The following FLACC1 variants were observed in gnomAD, a reference collection of about 807,000 sequenced individuals.
The protein encoded by FLACC1 is flagellum associated containing coiled-coil domains 1.
Under a neutral mutation model 62.8 loss-of-function variants are expected in FLACC1, and 66 were observed. The ratio of observed to expected loss-of-function variants is 1.05; its 90% CI spans 0.86 to 1.29. The LOEUF is 1.29. Among genes scored for constraint, FLACC1 ranks in the 50% most tolerant of loss-of-function variants. The probability of loss-of-function intolerance (pLI) is 0.00; values close to 1 mark genes in which losing one functional copy is unlikely to be tolerated. For missense variants in FLACC1, 452 were observed against 489.1 expected, an observed-to-expected ratio of 0.92 and a Z score of 0.71; for synonymous variants, 156 against 161.0, an observed-to-expected ratio of 0.97 and a Z score of 0.24.
intron 13 of FLACC1, 32 bp downstream of exon 13, chr2:201,289,664 C>T (rs1166950768): frequency 6.2e-7 from 1 of 1,611,820 alleles, no homozygotes; most frequent in Admixed American, 1.7e-5. Context: ...GTTCTTCCCC[C>T]AACCCCCATC....
Position 201,292,144 on chromosome 2 carries a change from G to A in FLACC1, c.943-2359C>T, listed in dbSNP as rs572270887. On this transcript the variant is annotated intron_variant, in intron 12 of 14. Coordinates refer to ENST00000392257, the MANE Select transcript of FLACC1 (RefSeq NM_001127391.3). ...AGAACTTCCCCAACCGAGCAAGGCA[G>A]GCCAACAATCAGATTCAGGAAATAC... is the stretch of plus-strand genomic sequence containing the variant. 3.9e-5 allele frequency among the ~76,000 whole-genome samples: 6 copies of A among 152,292 alleles called. No individual in the cohort carries two copies. In the East Asian group the frequency reaches 1.2e-3, roughly 29 times the overall value.
At chr2:201,344,321 G>T in intron 5 of FLACC1, 58 bp from the exon 6 acceptor site, 1 of 1,431,600 alleles carries the variant, frequency 7.0e-7, no homozygotes, top group South Asian at 1.2e-5. Context: ...TGCCATTCAG[G>T]CCCCTGAGCA....
chr2:201,305,712 A>T (rs1353963698), intron 11 of FLACC1, among the ~76,000 whole-genome samples: 4 of 152,242 alleles, frequency 2.6e-5, no homozygotes, highest in Non-Finnish European at 5.9e-5. Context: ...AGACTGGATT[A>T]AGAAAATGTG....
chr2:201,313,235 A>C lies in FLACC1; in HGVS notation c.676-3985T>G, dbSNP rs557731320. On this transcript the variant is annotated intron_variant, in intron 9 of 14. Coordinates refer to ENST00000392257, the MANE Select transcript of FLACC1 (RefSeq NM_001127391.3). ...GGCCAGAACTTGGGGGAAGGCATGAATCTGGTGTGCAGACTCCACAGGCAG... is the reference window on the plus strand; with the variant it reads ...GGCCAGAACTTGGGGGAAGGCATGACTCTGGTGTGCAGACTCCACAGGCAG... 1.3e-3 allele frequency among the ~76,000 whole-genome samples: 196 copies of C among 152,296 alleles called. 1 individual carries two copies. Among genetic ancestry groups the C allele is most frequent in the African/African-American group, 4.3e-3 (179 of 41,570 alleles).
In FLACC1 at chr2:201,305,526, C is replaced by T. The variant is rs186247078; in HGVS notation, c.879+1993G>A. Among the ~76,000 whole-genome samples, 359 of 152,234 alleles carry T rather than the reference C, an allele frequency of 2.4e-3. 2 individuals are homozygous for T. Among genetic ancestry groups the T allele is most frequent in the Middle Eastern group, 6.8e-3 (2 of 294 alleles). ...TCAACCATTGTGGAAGACAGTGTGG[C>T]GATTCCTCAAGGGTCTAGAACTAGA... On this transcript the variant is annotated intron_variant, in intron 11 of 14. Transcript: ENST00000392257.
intron 1 of FLACC1, among the ~76,000 whole-genome samples, chr2:201,353,184 C>G (rs1951060642): frequency 6.6e-6 from 1 of 152,140 alleles, no homozygotes; most frequent in South Asian, 2.1e-4. Flanking sequence ...TGTGCAATTA[C>G]TCCAGGTTAA....
chr2:201,288,959 T>C (rs1341672597), intron 14 of FLACC1, among the ~76,000 whole-genome samples, 178 bp from the exon 15 acceptor site: 2 of 152,200 alleles, frequency 1.3e-5, no homozygotes, highest in African/African-American at 4.8e-5. Context: ...TAAAGTCCTA[T>C]ACGAGGAATT....
intron 12 of FLACC1, among the ~76,000 whole-genome samples, chr2:201,297,340 C>T (rs148863909): frequency 1.1e-4 from 17 of 152,036 alleles, no homozygotes; most frequent in South Asian, 8.4e-4. Flanking sequence ...AAAGGAGAAA[C>T]GGGAGATAAA....
At chr2:201,342,517 T>C (rs1950831196) in intron 6 of FLACC1, 86 bp from the exon 7 acceptor site, 2 of 1,375,986 alleles carry the variant, frequency 1.5e-6, no homozygotes, top group Admixed American at 1.7e-5. Flanking sequence ...TTCCAATTTA[T>C]GGGGCACAGC....
chr2:201,330,139 C>T (rs918615913), intron 9 of FLACC1, among the ~76,000 whole-genome samples: 1 of 152,170 alleles, frequency 6.6e-6, no homozygotes, highest in South Asian at 2.1e-4. Flanking sequence ...ATGATCTCAA[C>T]TGCAGTTCTA....
intron 12 of FLACC1, among the ~76,000 whole-genome samples, chr2:201,296,726 G>C (rs977589178): frequency 8.5e-5 from 13 of 152,172 alleles, no homozygotes; most frequent in Admixed American, 6.5e-5. Flanking sequence ...GGCTGGAATA[G>C]AGATAGTAAG....
chr2:201,298,186 G>T, intron 12 of FLACC1, among the ~76,000 whole-genome samples: 1 of 152,090 alleles, frequency 6.6e-6, no homozygotes, highest in African/African-American at 2.4e-5. Flanking sequence ...CAGAGGGTGT[G>T]GTGTCAAGTA....
chr2:201,340,430 T>A (rs1412375071), intron 7 of FLACC1, among the ~76,000 whole-genome samples: 1 of 152,210 alleles, frequency 6.6e-6, no homozygotes, highest in Non-Finnish European at 1.5e-5. Flanking sequence ...ACCATGACAC[T>A]TAGTTAGAAT....
At chr2:201,334,110 T>A (rs988544100) in intron 7 of FLACC1, among the ~76,000 whole-genome samples, 1 of 152,212 alleles carries the variant, frequency 6.6e-6, no homozygotes, top group Non-Finnish European at 1.5e-5. Context: ...CCATTCTAAC[T>A]GGTGTGAGAT....
intron 9 of FLACC1, among the ~76,000 whole-genome samples, chr2:201,315,080 C>G (rs571854465): frequency 2.0e-5 from 3 of 152,024 alleles, no homozygotes; most frequent in Admixed American, 6.6e-5. Context: ...CAAAACAGAA[C>G]CTCTTTAAAG....
chr2:201,325,902 T>C (rs917550375), intron 9 of FLACC1, among the ~76,000 whole-genome samples: 11 of 152,066 alleles, frequency 7.2e-5, no homozygotes, highest in South Asian at 2.1e-4. Flanking sequence ...TTCACTGATG[T>C]TGAACATAGA....
intron 14 of FLACC1, 125 bp downstream of exon 14, chr2:201,289,332 C>T (rs572838989): frequency 2.9e-5 from 25 of 852,144 alleles, no homozygotes; most frequent in African/African-American, 1.5e-4. Context: ...ACCTCCCTCC[C>T]GAAAACACCT....
At chr2:201,351,160 G>C (rs761014436) in intron 2 of FLACC1, 132 bp downstream of exon 2, 1 of 780,898 alleles carries the variant, frequency 1.3e-6, no homozygotes, top group Non-Finnish European at 2.1e-6. Context: ...AGGGAAGCTG[G>C]GGAAAGCGAG....
At chr2:201,314,804 T>C (rs1950280131) in intron 9 of FLACC1, among the ~76,000 whole-genome samples, 1 of 152,070 alleles carries the variant, frequency 6.6e-6, no homozygotes, top group Admixed American at 6.6e-5. Flanking sequence ...AGGTAACCTG[T>C]AAAGGAAAAC....
Sources: gnomAD v4.1 joint callset for allele counts (sites outside exome capture counted in the v4.1 genomes callset) on GRCh38, gnomAD v4.1.1 for gene constraint, MANE v1.5 for transcripts, NCBI Gene and HGNC (gene_info 2026-07-23, HGNC 2026-07-21) for gene names.